Variants in CASK observed in about 807,000 individuals in gnomAD.
CASK encodes calcium/calmodulin dependent serine protein kinase.
Under a neutral mutation model 82.9 loss-of-function variants are expected in CASK, and 4 were observed. The ratio of observed to expected loss-of-function variants is 0.05; its 90% CI spans 0.02 to 0.11. The LOEUF is 0.11. Ranked by LOEUF, CASK falls within the 10% of genes least tolerant of loss-of-function variation. The pLI is 1.00. For missense variants in CASK, 358 were observed against 720.9 expected, an observed-to-expected ratio of 0.50 and a Z score of 5.76; for synonymous variants, 259 against 253.5, an observed-to-expected ratio of 1.02 and a Z score of -0.20.
Position 41,557,049 on chromosome X carries a change from T to C in CASK, c.1789A>G (p.Thr597Ala), listed in dbSNP as rs754445307. Residue 597 changes from threonine to alanine, a missense_variant, in exon 19 of 27, where the codon ACT becomes GCT. By Grantham distance (58) the Thr-to-Ala change is moderately conservative. Coordinates refer to ENST00000378163, the MANE Select transcript of CASK (RefSeq NM_001367721.1). ...RQSPANGHSS[T>A]NNSVSDLPST... ...GTTCTTACCGAAACAGAATTGTTAG[T>C]GCTGCTATGACCATTAGCTGGGGAC... is the stretch of plus-strand genomic sequence containing the variant. 2.5e-6 allele frequency: 3 copies of C among 1,209,410 alleles called. No homozygotes were observed. The Admixed American group carries it at 6.5e-5, about 26-fold the overall frequency.
chrX:41,658,893 T>C (rs1301554476), intron 8 of CASK, among the ~76,000 whole-genome samples: 1 of 111,508 alleles, frequency 9.0e-6, no homozygotes, highest in Non-Finnish European at 1.9e-5. Context: ...ACTGGGTTCA[T>C]GGGAAAGGAA....
Position 41,528,043 on chromosome X carries a change from T to C in CASK, c.2520+2964A>G, listed in dbSNP as rs142909046. On this transcript the variant is annotated intron_variant, in intron 25 of 26. Coordinates refer to ENST00000378163, the MANE Select transcript of CASK (RefSeq NM_001367721.1). ...CCCAGGGTTACCTCTTCTAGGGTGG[T>C]ACAGTGAAAGGAAGTGGGGATTTAC... Among the ~76,000 whole-genome samples, 492 of 112,580 alleles carry C rather than the reference T, an allele frequency of 4.4e-3. 3 individuals carry two copies. The highest frequency in any genetic ancestry group is 0.015 in the African/African-American group (471 of 31,039).
chrX:41,712,220 T>C (rs2067989212), intron 5 of CASK, among the ~76,000 whole-genome samples: 1 of 112,421 alleles, frequency 8.9e-6, no homozygotes, highest in African/African-American at 3.2e-5. Context: ...CTACTAAAGG[T>C]AAAAGTTACT....
At chrX:41,796,225 C>T (rs2069850315) in intron 2 of CASK, among the ~76,000 whole-genome samples, 1 of 112,769 alleles carries the variant, frequency 8.9e-6, no homozygotes, top group African/African-American at 3.2e-5. Flanking sequence ...AGCTGCATAA[C>T]CTTAGAACAT....
intron 3 of CASK, among the ~76,000 whole-genome samples, chrX:41,776,617 G>C (rs535375903): frequency 6.2e-5 from 7 of 112,039 alleles, no homozygotes; most frequent in African/African-American, 1.9e-4. Flanking sequence ...CTGATGAATA[G>C]GAACACAAAG....
chrX:41,796,399 A>C (rs2069854024), intron 2 of CASK, among the ~76,000 whole-genome samples: 1 of 112,500 alleles, frequency 8.9e-6, no homozygotes, highest in Non-Finnish European at 1.9e-5. Context: ...ATGTTTAACA[A>C]ATGTCAATCA....
chrX:41,830,193 T>G (rs1478543460), intron 2 of CASK, among the ~76,000 whole-genome samples: 1 of 108,528 alleles, frequency 9.2e-6, no homozygotes, highest in Non-Finnish European at 1.9e-5. Flanking sequence ...AGAGATCGGG[T>G]CTCACTATGT....
intron 5 of CASK, among the ~76,000 whole-genome samples, chrX:41,700,931 CAAAAAAAAA>C (rs1215266415): frequency 2.7e-5 from 1 of 37,128 alleles, no homozygotes; most frequent in Non-Finnish European, 4.3e-5. Flanking sequence ...GACTCCGTCT[CAAAAAAAAA>C]AAAAAAAAAA....
chrX:41,782,996 T>C (rs369364420), intron 3 of CASK, among the ~76,000 whole-genome samples: 1 of 109,809 alleles, frequency 9.1e-6, no homozygotes, highest in East Asian at 2.9e-4. Context: ...AATACAAAAA[T>C]TAGCCAGGCG....
chrX:41,740,343 A>G (rs2068573970), intron 4 of CASK, among the ~76,000 whole-genome samples: 1 of 110,262 alleles, frequency 9.1e-6, no homozygotes, highest in African/African-American at 3.3e-5. Flanking sequence ...TTCCTTCCCA[A>G]CCAGCATGAC....
At chrX:41,784,807 C>T (rs751700356) in intron 3 of CASK, among the ~76,000 whole-genome samples, 31 of 109,364 alleles carry the variant, frequency 2.8e-4, no homozygotes, top group Middle Eastern at 9.3e-3. Flanking sequence ...ACCCAGGGGG[C>T]GGAGGTTGCA....
At chrX:41,613,778 AGTT>A (rs1344576484) in intron 11 of CASK, among the ~76,000 whole-genome samples, 3 of 111,661 alleles carry the variant, frequency 2.7e-5, no homozygotes. Context: ...AAAGTGTTAC[AGTT>A]GTTATCTTTA....
rs1324992827 is a variant in CASK at position 41,854,222 on chromosome X, GCGCACACACACACACACA to G, written c.60-1013_60-996del. The stretch of plus-strand genomic sequence containing the variant: ...GGAACATGCGCGCGCGCGCGGGCGC[GCGCACACACACACACACA>G]CACACACACACACACACACACACAC... On this transcript the variant is annotated intron_variant, in intron 1 of 26. Coordinates refer to ENST00000378163, the MANE Select transcript of CASK (RefSeq NM_001367721.1). Among the ~76,000 whole-genome samples, 54 of 83,482 alleles carry G rather than the reference GCGCACACACACACACACA, an allele frequency of 6.5e-4. 1 individual carries two copies. Among genetic ancestry groups the G allele is most frequent in the South Asian group, 5.4e-3 (9 of 1,675 alleles). 72.5% of individuals were successfully genotyped at this position (83,482 alleles called of 115,157 possible).
chrX:41,790,577 G>A (rs1172965357), intron 2 of CASK, among the ~76,000 whole-genome samples: 1 of 111,479 alleles, frequency 9.0e-6, no homozygotes, highest in Non-Finnish European at 1.9e-5. Flanking sequence ...TTGCTGGGGG[G>A]CCAGCCTTCA....
At chrX:41,538,421 T>G (rs939822496) in intron 22 of CASK, among the ~76,000 whole-genome samples, 1 of 111,864 alleles carries the variant, frequency 8.9e-6, no homozygotes, top group African/African-American at 3.3e-5. Flanking sequence ...CACTAGTAAC[T>G]TGATCTAAAA....
chrX:41,862,252 G>C (rs1158765423), intron 1 of CASK, among the ~76,000 whole-genome samples: 1 of 110,251 alleles, frequency 9.1e-6, no homozygotes, highest in Admixed American at 9.7e-5. Flanking sequence ...ATGGTGTTTT[G>C]GGCCCTGGCA....
At chrX:41,691,765 C>T (rs1330026489) in intron 5 of CASK, among the ~76,000 whole-genome samples, 1 of 87,933 alleles carries the variant, frequency 1.1e-5, no homozygotes, top group African/African-American at 4.5e-5. Flanking sequence ...TGCTTGAACT[C>T]GGGAGGCGGA....
At chrX:41,545,192 A>C (rs1354681470) in intron 21 of CASK, among the ~76,000 whole-genome samples, 1 of 110,739 alleles carries the variant, frequency 9.0e-6, no homozygotes, top group African/African-American at 3.3e-5. Flanking sequence ...TGCCTGGCTA[A>C]TTTTTGTATT....
chrX:41,786,626 T>C (rs1475298646), intron 3 of CASK, among the ~76,000 whole-genome samples: 1 of 111,043 alleles, frequency 9.0e-6, no homozygotes, highest in African/African-American at 3.3e-5. Flanking sequence ...GACACAATCA[T>C]CCGACCAGAG....
Sources: allele counts gnomAD v4.1 joint callset (sites outside exome capture counted in the v4.1 genomes callset), GRCh38; gene constraint gnomAD v4.1.1; transcripts MANE v1.5; gene names NCBI Gene and HGNC (gene_info 2026-07-23, HGNC 2026-07-21).